SKAP1: variants seen among roughly 807,000 people sequenced by gnomAD.
The protein encoded by SKAP1 is src kinase associated phosphoprotein 1.
SKAP1 carries 44 observed loss-of-function variants against 58.5 expected under a neutral mutation model. The observed-to-expected ratio is 0.75, with a 90% CI of 0.59 to 0.97. The LOEUF (loss-of-function observed/expected upper bound fraction) is 0.97, where lower values mean the gene tolerates loss of function less well. SKAP1 is among the 50% of genes least tolerant of loss of function. The probability of loss-of-function intolerance (pLI) is 0.00; values close to 1 mark genes in which losing one functional copy is unlikely to be tolerated. For synonymous variants in SKAP1, 127 were observed against 149.7 expected (o/e 0.85, Z 1.11); for missense variants, 390 against 435.2 (o/e 0.90, Z 0.92).
At chr17:48,337,113 C>A (rs771587097) in intron 4 of SKAP1, among the ~76,000 whole-genome samples, 1 of 152,106 alleles carries the variant, frequency 6.6e-6, no homozygotes, top group Non-Finnish European at 1.5e-5. Context: ...TTTTACAAGC[C>A]AGAGAATCCA....
At chr17:48,338,845 T>G (rs1366019863) in intron 4 of SKAP1, among the ~76,000 whole-genome samples, 1 of 152,254 alleles carries the variant, frequency 6.6e-6, no homozygotes, top group Non-Finnish European at 1.5e-5. Context: ...AAGCCCAGTT[T>G]GTCATCTTCA....
At chr17:48,353,846 C>T (rs538137436) in intron 3 of SKAP1, among the ~76,000 whole-genome samples, 6 of 147,066 alleles carry the variant, frequency 4.1e-5, no homozygotes, top group Non-Finnish European at 7.4e-5. Context: ...TGCAGTGAGC[C>T]GAGATCGCGC....
chr17:48,247,785 C>T (rs1392191179), intron 4 of SKAP1, among the ~76,000 whole-genome samples: 1 of 152,096 alleles, frequency 6.6e-6, no homozygotes, highest in Non-Finnish European at 1.5e-5. Flanking sequence ...AATTTTGCAA[C>T]ACTGTTCTAC....
chr17:48,147,711 C>T (rs139547038), intron 11 of SKAP1, among the ~76,000 whole-genome samples: 139 of 152,268 alleles, frequency 9.1e-4, no homozygotes, highest in Non-Finnish European at 5.6e-4. Context: ...CCTTGGGTAG[C>T]GTGGCAGCCT....
Position 48,289,773 on chromosome 17 carries a change from G to GTA in SKAP1, c.280+56130_280+56131dup, listed in dbSNP as rs56776158. Among the ~76,000 whole-genome samples the GTA allele has an allele frequency of 4.7e-3, 708 of 151,264 alleles. 8 individuals carry two copies. Among genetic ancestry groups the GTA allele is most frequent in the African/African-American group, 0.016 (662 of 41,274 alleles). On this transcript the variant is annotated intron_variant, in intron 4 of 12. Transcript: ENST00000336915. ...AGTATTTTTATCTATGCACCAATAA[G>GTA]TATATATATATATTTAAAAATTAAT...
chr17:48,162,514 A>G lies in SKAP1; in HGVS notation c.933T>C (p.Asp311=). The G allele has an allele frequency of 6.2e-7, 1 of 1,614,126 alleles. No homozygotes were observed. The highest frequency in any genetic ancestry group is 1.1e-5 in the South Asian group (1 of 91,068). ...GLWDCHGDQP[D]ELSFQRGDLI... The stretch of plus-strand genomic sequence containing the variant: ...GGTCACCCCGTTGGAAGGACAGTTC[A>G]TCTGGCTGGTCACCATGGCAATCCC... Residue 311 remains aspartate, a synonymous_variant, in exon 11 of 13, where the codon GAT becomes GAC. Coordinates refer to ENST00000336915, the MANE Select transcript of SKAP1 (RefSeq NM_003726.4).
intron 1 of SKAP1, among the ~76,000 whole-genome samples, chr17:48,412,939 A>G (rs1238077060): frequency 1.3e-5 from 2 of 152,042 alleles, no homozygotes; most frequent in African/African-American, 2.4e-5. Flanking sequence ...CTTTACCTGC[A>G]CTACTCAGGG....
the SKAP1 span, among the ~76,000 whole-genome samples, chr17:48,444,103 C>A: frequency 2.3e-4 from 35 of 150,348 alleles, no homozygotes; most frequent in Non-Finnish European, 4.5e-4. Flanking sequence ...AAAAATAACA[C>A]CTAGTACGAG....
intron 3 of SKAP1, among the ~76,000 whole-genome samples, chr17:48,348,094 C>A (rs1187093797): frequency 6.6e-6 from 1 of 152,022 alleles, no homozygotes; most frequent in Non-Finnish European, 1.5e-5. Flanking sequence ...AATCCCAGCA[C>A]TTTGGGAGGC....
Position 48,241,456 on chromosome 17 carries a change from C to G in SKAP1, c.281-51956G>C, listed in dbSNP as rs139874553. On this transcript the variant is annotated intron_variant, in intron 4 of 12. Coordinates refer to ENST00000336915, the MANE Select transcript of SKAP1 (RefSeq NM_003726.4). ...AGGCTTCAAGCTCAATTTGGGCTGA[C>G]AGCTCATGAACAGATCATCTGAAGT... Among the ~76,000 whole-genome samples, 59 of 152,276 alleles carry G rather than the reference C, an allele frequency of 3.9e-4. 1 individual carries two copies. The East Asian group carries it at 0.011, about 28-fold the overall frequency.
chr17:48,186,276 A>C (rs1188522729), intron 6 of SKAP1, among the ~76,000 whole-genome samples: 2 of 152,100 alleles, frequency 1.3e-5, no homozygotes, highest in African/African-American at 2.4e-5. Context: ...CTCAGTTTAC[A>C]AACTATGCTG....
chr17:48,378,478 A>C (rs28482329), intron 2 of SKAP1, among the ~76,000 whole-genome samples: 26,239 of 152,102 alleles, frequency 0.17, 2,326 homozygotes, highest in Non-Finnish European at 0.19. Flanking sequence ...CACCTTCATT[A>C]TCTTAATGAC....
At chr17:48,241,006 T>C (rs1222815523) in intron 4 of SKAP1, among the ~76,000 whole-genome samples, 1 of 152,194 alleles carries the variant, frequency 6.6e-6, no homozygotes, top group Non-Finnish European at 1.5e-5. Context: ...CTCTATCCTC[T>C]TTTTATAAAT....
At chr17:48,363,636 G>A (rs80339077) in intron 3 of SKAP1, among the ~76,000 whole-genome samples, 153 bp downstream of exon 3, 3,488 of 152,286 alleles carry the variant, frequency 0.023, 122 homozygotes, top group African/African-American at 0.078. Context: ...GCAGGGGAGC[G>A]CAGCAGGGTG....
chr17:48,160,557 G>C (rs2064054766), intron 11 of SKAP1, among the ~76,000 whole-genome samples: 1 of 151,696 alleles, frequency 6.6e-6, no homozygotes, highest in African/African-American at 2.4e-5. Context: ...TGTAACCACA[G>C]ACAGCTCCAT....
intron 1 of SKAP1, among the ~76,000 whole-genome samples, chr17:48,406,384 A>C (rs12941926): frequency 0.33 from 50,653 of 151,820 alleles, 9,140 homozygotes; most frequent in African/African-American, 0.47. Flanking sequence ...AATTTCTTAA[A>C]AATTTAAAAT....
intron 2 of SKAP1, among the ~76,000 whole-genome samples, chr17:48,385,754 C>T (rs2067267414): frequency 6.6e-6 from 1 of 152,062 alleles, no homozygotes; most frequent in Admixed American, 6.6e-5. Flanking sequence ...TGTGGGAGAA[C>T]CATCCTTTAG....
chr17:48,174,040 A>G (rs1209302295), intron 9 of SKAP1, among the ~76,000 whole-genome samples: 1 of 152,234 alleles, frequency 6.6e-6, no homozygotes, highest in Non-Finnish European at 1.5e-5. Flanking sequence ...GGGCAACAGC[A>G]CTTAATCTAG....
chr17:48,442,982 AC>A, the SKAP1 span, among the ~76,000 whole-genome samples: 1 of 151,980 alleles, frequency 6.6e-6, no homozygotes, highest in Non-Finnish European at 1.5e-5. Flanking sequence ...GCCTGCATGG[AC>A]CCTTTACTCT....
Sources: gnomAD v4.1 joint callset for allele counts (sites outside exome capture counted in the v4.1 genomes callset) on GRCh38, gnomAD v4.1.1 for gene constraint, MANE v1.5 for transcripts, NCBI Gene and HGNC (gene_info 2026-07-23, HGNC 2026-07-21) for gene names.